ATP5MK: variants seen among roughly 807,000 people sequenced by gnomAD.
The protein encoded by ATP5MK is ATP synthase membrane subunit k.
Under a neutral mutation model 6.6 loss-of-function variants are expected in ATP5MK, and 5 were observed. The ratio of observed to expected loss-of-function variants is 0.76; its 90% CI spans 0.40 to 1.60. The LOEUF (loss-of-function observed/expected upper bound fraction) is 1.60. ATP5MK is among the 40% of genes most tolerant of loss of function. The pLI, the probability that ATP5MK is intolerant of heterozygous loss-of-function variation, is 0.02. For missense variants in ATP5MK, 57 were observed against 66.6 expected, an observed-to-expected ratio of 0.86 and a Z score of 0.50; for synonymous variants, 30 against 24.5, an observed-to-expected ratio of 1.22 and a Z score of -0.66.
intron 2 of ATP5MK, among the ~76,000 whole-genome samples, chr10:103,393,652 T>A (rs2093421440): frequency 6.6e-6 from 1 of 152,084 alleles, no homozygotes; most frequent in African/African-American, 2.4e-5. Flanking sequence ...GTTGGCAGTA[T>A]CTTATCGAAT....
chr10:103,393,598 T>A (rs1473819296), intron 2 of ATP5MK, among the ~76,000 whole-genome samples: 1 of 150,544 alleles, frequency 6.6e-6, no homozygotes, highest in Non-Finnish European at 1.5e-5. Flanking sequence ...AAAAAATAAA[T>A]AAATAAAAAA....
At chr10:103,391,272 A>C (rs1005262405) in intron 4 of ATP5MK, among the ~76,000 whole-genome samples, 7 of 152,250 alleles carry the variant, frequency 4.6e-5, no homozygotes, top group Non-Finnish European at 1.0e-4. Flanking sequence ...GCCTAAGATG[A>C]CAATCCTAGA....
chr10:103,393,441 G>A (rs1487587295), intron 2 of ATP5MK, among the ~76,000 whole-genome samples: 3 of 151,926 alleles, frequency 2.0e-5, no homozygotes, highest in Admixed American at 6.6e-5. Flanking sequence ...TTAGCCGGGC[G>A]TGGTGGTGGG....
intron 4 of ATP5MK, among the ~76,000 whole-genome samples, chr10:103,390,498 A>G (rs1325142449): frequency 6.6e-6 from 1 of 151,644 alleles, no homozygotes; most frequent in Non-Finnish European, 1.5e-5. Flanking sequence ...TCAAAAAGAA[A>G]AATATCCGGG....
intron 2 of ATP5MK, among the ~76,000 whole-genome samples, chr10:103,394,851 C>CCA (rs2093425934): frequency 6.7e-6 from 1 of 148,460 alleles, no homozygotes; most frequent in Admixed American, 6.9e-5. Flanking sequence ...AAAATAAGGG[C>CCA]TTCACTTTGA....
intron 4 of ATP5MK, among the ~76,000 whole-genome samples, chr10:103,390,865 T>C (rs963764168): frequency 5.9e-5 from 9 of 151,906 alleles, no homozygotes; most frequent in African/African-American, 1.7e-4. Flanking sequence ...ATATCACCCA[T>C]TGCCAACACA....
chr10:103,394,355 C>G (rs763490878), intron 2 of ATP5MK: 2 of 531,326 alleles, frequency 3.8e-6, no homozygotes, highest in Non-Finnish European at 7.8e-6. Flanking sequence ...GGTCGAGGTC[C>G]GGTCGAGATT....
At chr10:103,389,734 CT>C (rs1210749814) in intron 4 of ATP5MK, among the ~76,000 whole-genome samples, 10 of 148,938 alleles carry the variant, frequency 6.7e-5, no homozygotes, top group Non-Finnish European at 1.0e-4. Flanking sequence ...AAAGTAACAT[CT>C]TTTTTTTTTG....
At chr10:103,391,949 T>C (rs1468380618) in intron 4 of ATP5MK, among the ~76,000 whole-genome samples, 1 of 152,040 alleles carries the variant, frequency 6.6e-6, no homozygotes, top group African/African-American at 2.4e-5. Context: ...TTGGTAGAGA[T>C]GGGGTTTCAT....
rs2093432905 is a variant in ATP5MK at position 103,396,036 on chromosome 10, T to G, written c.-296-4A>C. The G allele has an allele frequency of 6.6e-6, 1 of 152,202 alleles. No individual in the cohort carries two copies. 9.4% of individuals were successfully genotyped at this position (152,202 alleles called of 1,614,324 possible). ...ACAGCTCGGTGGGAACAAACAGCTA[T>G]GGACATACAGAAGAAAAGAGGTTAA... On this transcript the variant is annotated splice_polypyrimidine_tract_variant and splice_region_variant and intron_variant, in intron 1 of 4. Coordinates refer to ENST00000369815, the MANE Select transcript of ATP5MK (RefSeq NM_001206427.2).
At chr10:103,391,030 A>G (rs1453198436) in intron 4 of ATP5MK, among the ~76,000 whole-genome samples, 3 of 152,376 alleles carry the variant, frequency 2.0e-5, no homozygotes, top group East Asian at 1.9e-4. Context: ...TAATGATTAC[A>G]TAGAGCTTCC....
rs76330040 is a variant in ATP5MK, at chr10:103,394,142, G to A, written c.-10+1604C>T. 1,370 of 326,496 alleles carry A rather than the reference G, an allele frequency of 4.2e-3. 18 individuals carry two copies. The highest frequency in any genetic ancestry group is 0.026 in the African/African-American group (1,197 of 46,468). The allele number at this position is 326,496 out of a possible 1,614,324, so 20.2% of individuals were successfully genotyped here. On this transcript the variant is annotated intron_variant, in intron 2 of 4. Transcript: ENST00000369815. ...AGTAAATGAAATAGAAAAATAGTAA[G>A]TGTATTAAAAAAAACTCTGGAAGAA...
chr10:103,392,056 A>C, intron 4 of ATP5MK, 135 bp downstream of exon 4: 1 of 703,376 alleles, frequency 1.4e-6, no homozygotes, highest in Non-Finnish European at 2.4e-6. Context: ...CCACTATACT[A>C]GGCCTCTGTA....
Position 103,392,392 on chromosome 10 carries a change from A to G in ATP5MK, c.66T>C (p.Tyr22=), listed in dbSNP as rs753261738. 56 of 1,607,914 alleles carry G rather than the reference A, an allele frequency of 3.5e-5. No individual in the cohort carries two copies. Among genetic ancestry groups the G allele is most frequent in the Non-Finnish European group, 4.4e-5 (52 of 1,177,928 alleles). ...TTACGTTCATTCTACCTGTGAGAGT[A>G]TAAGAGTTGAAATATTTTTTAATAC... ...FTGIKKYFNS[Y]TLTGRMNCVL... The change falls in exon 3 of 5, where the codon TAT becomes TAC. Residue 22 remains tyrosine, a synonymous_variant. Coordinates refer to ENST00000369815, the MANE Select transcript of ATP5MK (RefSeq NM_001206427.2).
At chr10:103,394,190 C>A in intron 2 of ATP5MK, 1 of 462,366 alleles carries the variant, frequency 2.2e-6, no homozygotes, top group South Asian at 1.6e-5. Context: ...GCAGCTTAAT[C>A]TATAGTACCT....
Position 103,392,462 on chromosome 10 carries a change from T to TC in ATP5MK, c.-6dup. On this transcript the variant is annotated 5_prime_UTR_variant, in exon 3 of 5. Transcript: ENST00000369815. ...ATCACTTTCTGGACCTGCCATGATTTCAATCTTTTAAAAAAAGAAAGAAAG... is the reference window on the plus strand; with the variant it reads ...ATCACTTTCTGGACCTGCCATGATTTCCAATCTTTTAAAAAAAGAAAGAAAG... 1.3e-6 allele frequency: 2 copies of TC among 1,579,358 alleles called. No individual in the cohort carries two copies. Among genetic ancestry groups the TC allele is most frequent in the South Asian group, 2.4e-5 (2 of 84,706 alleles).
At chr10:103,390,283 G>C (rs955091285) in intron 4 of ATP5MK, among the ~76,000 whole-genome samples, 8 of 152,046 alleles carry the variant, frequency 5.3e-5, no homozygotes, top group African/African-American at 1.7e-4. Context: ...CTTGAGCCCA[G>C]GAGTTTGAGA....
rs995370848 is a variant in ATP5MK, at chr10:103,392,588, A to G, written c.-9-122T>C. ...CTGCATATAAATACTGTAAATTTTT[A>G]TCTATATCTCACCCAACACAGTAGT... On this transcript the variant is annotated intron_variant, in intron 2 of 4. Coordinates refer to ENST00000369815, the MANE Select transcript of ATP5MK (RefSeq NM_001206427.2). The G allele has an allele frequency of 8.4e-5, 57 of 681,444 alleles. No individual in the cohort carries two copies. The African/African-American group carries it at 9.9e-4, about 12-fold the overall frequency. The allele number at this position is 681,444 out of a possible 1,614,324, so 42.2% of individuals were successfully genotyped here. A position where few individuals can be genotyped will look rare whatever the true frequency, so the allele number is the denominator to read the frequency against.
chr10:103,394,673 G>A (rs2093424850), intron 2 of ATP5MK, among the ~76,000 whole-genome samples: 1 of 151,906 alleles, frequency 6.6e-6, no homozygotes, highest in Non-Finnish European at 1.5e-5. Context: ...CAACAGAAGC[G>A]ATAAAAGCAA....
Sources: allele counts gnomAD v4.1 joint callset (sites outside exome capture counted in the v4.1 genomes callset), GRCh38; gene constraint gnomAD v4.1.1; transcripts MANE v1.5; gene names NCBI Gene and HGNC (gene_info 2026-07-23, HGNC 2026-07-21).